The following PTPRN2 variants were observed in gnomAD, a reference collection of about 807,000 sequenced individuals.
PTPRN2 encodes protein tyrosine phosphatase receptor type N2.
Under a neutral mutation model 118.8 loss-of-function variants are expected in PTPRN2, and 74 were observed. The observed-to-expected ratio is 0.62, with a 90% CI of 0.52 to 0.76. PTPRN2 has a LOEUF of 0.76. Among genes scored for constraint, PTPRN2 ranks in the 30% least tolerant of loss-of-function variants. PTPRN2 has a pLI of 0.00. For synonymous variants in PTPRN2, 641 were observed against 608.0 expected, an observed-to-expected ratio of 1.05 and a Z score of -0.80; for missense variants, 1,481 against 1,394.4, an observed-to-expected ratio of 1.06 and a Z score of -0.99.
chr7:157,815,869 C>T (rs981042126), intron 12 of PTPRN2, among the ~76,000 whole-genome samples: 1 of 152,226 alleles, frequency 6.6e-6, no homozygotes, highest in Non-Finnish European at 1.5e-5. Flanking sequence ...GGCGGTGACA[C>T]GTTGCAGACA....
At chr7:157,839,422 A>G (rs538259503) in intron 12 of PTPRN2, among the ~76,000 whole-genome samples, 1 of 147,764 alleles carries the variant, frequency 6.8e-6, no homozygotes, top group East Asian at 2.0e-4. Flanking sequence ...TGTTTGTGAG[A>G]GAGACTGTGT....
At position 158,400,542 on chromosome 7, in the gene PTPRN2, C is replaced by A. The variant is rs912893974; in HGVS notation, c.164-83610G>T. Among the ~76,000 whole-genome samples the A allele has an allele frequency of 7.2e-5, 11 of 152,190 alleles. No homozygotes were observed. The East Asian group carries it at 2.1e-3, about 29-fold the overall frequency. The stretch of plus-strand genomic sequence containing the variant: ...AAGCCATCCTGACATCATTATGCTG[C>A]ATCATTATGAAGCCAACACACATCT... On this transcript the variant is annotated intron_variant, in intron 2 of 22. Transcript: ENST00000389418.
At chr7:158,146,739 AG>A (rs1401831458) in intron 6 of PTPRN2, among the ~76,000 whole-genome samples, 4 of 151,590 alleles carry the variant, frequency 2.6e-5, no homozygotes, top group Non-Finnish European at 5.9e-5. Context: ...AAAAAAAGAA[AG>A]AAAAAAGAAA....
chr7:157,658,305 A>G (rs1305635351), intron 13 of PTPRN2, among the ~76,000 whole-genome samples: 1 of 152,236 alleles, frequency 6.6e-6, no homozygotes, highest in African/African-American at 2.4e-5. Context: ...AGCAATGTCC[A>G]AGAGCCCATG....
At chr7:158,296,599 G>A (rs891382263) in intron 3 of PTPRN2, among the ~76,000 whole-genome samples, 36 of 152,312 alleles carry the variant, frequency 2.4e-4, no homozygotes, top group African/African-American at 7.9e-4. Context: ...GCCCACTGGG[G>A]CTTTAGGAGC....
Position 158,574,807 on chromosome 7 carries a change from G to A in PTPRN2, c.112+12751C>T, listed in dbSNP as rs2129451715. On this transcript the variant is annotated intron_variant, in intron 1 of 22. Transcript: ENST00000389418. The surrounding 1 kb of genome is among the most constrained non-coding windows in gnomAD (Gnocchi z 4.6). The stretch of plus-strand genomic sequence containing the variant: ...TCAGGCTGCTGGACAGGCCTTGCTG[G>A]CACACTGGGTGGGTGGCTCCGTGGA... Among the ~76,000 whole-genome samples the A allele has an allele frequency of 6.6e-6, 1 of 152,316 alleles. No homozygotes were observed. The highest frequency in any genetic ancestry group is 2.1e-4 in the South Asian group (1 of 4,826).
At chr7:157,988,110 G>C (rs78489480) in intron 11 of PTPRN2, among the ~76,000 whole-genome samples, 1 of 152,162 alleles carries the variant, frequency 6.6e-6, no homozygotes, top group Non-Finnish European at 1.5e-5. Flanking sequence ...GAGAAGCTGC[G>C]TTCCCTGCCT....
chr7:157,772,352 C>G (rs974009253), intron 12 of PTPRN2, among the ~76,000 whole-genome samples: 1 of 151,448 alleles, frequency 6.6e-6, no homozygotes, highest in South Asian at 2.1e-4. Flanking sequence ...CATACACACA[C>G]ACACATACAC....
intron 2 of PTPRN2, among the ~76,000 whole-genome samples, chr7:158,346,855 C>G (rs777400681): frequency 1.3e-5 from 2 of 152,194 alleles, no homozygotes; most frequent in Non-Finnish European, 2.9e-5. Flanking sequence ...ATGATTAGCA[C>G]AGTTGAGCAT....
intron 13 of PTPRN2, among the ~76,000 whole-genome samples, chr7:157,661,602 G>A (rs555214214): frequency 6.6e-6 from 1 of 151,910 alleles, no homozygotes; most frequent in African/African-American, 2.4e-5. Flanking sequence ...GGAATGGGAT[G>A]ATGGGGAAGC....
chr7:157,940,267 C>A (rs1799966095), intron 11 of PTPRN2, among the ~76,000 whole-genome samples: 1 of 152,126 alleles, frequency 6.6e-6, no homozygotes, highest in Non-Finnish European at 1.5e-5. Flanking sequence ...TTTTCTCTCC[C>A]CTTCCTAGTG....
rs1201884371 is a variant in PTPRN2, at chr7:157,666,514, A to C, written c.2002-9963T>G. The stretch of plus-strand genomic sequence containing the variant: ...CCATTAGTGTGTTAGAAAAAAAAAA[A>C]ACCCCACAGTAGAAAATGAAATCCA... On this transcript the variant is annotated intron_variant, in intron 13 of 22. Transcript: ENST00000389418. Among the ~76,000 whole-genome samples the C allele has an allele frequency of 3.1e-5, 4 of 129,570 alleles. No individual in the cohort carries two copies. The Admixed American group carries it at 3.1e-4, about 10-fold the overall frequency. The allele number at this position is 129,570 out of a possible 152,430, so 85.0% of individuals were successfully genotyped here. A position where few individuals can be genotyped will look rare whatever the true frequency, so the allele number is the denominator to read the frequency against.
At chr7:158,364,903 A>G (rs1288312268) in intron 2 of PTPRN2, among the ~76,000 whole-genome samples, 1 of 152,192 alleles carries the variant, frequency 6.6e-6, no homozygotes, top group Non-Finnish European at 1.5e-5. Flanking sequence ...GTCACACCTG[A>G]GCAGGCAGCT....
chr7:158,071,376 G>T (rs1296787850), intron 11 of PTPRN2, among the ~76,000 whole-genome samples: 1 of 110,120 alleles, frequency 9.1e-6, no homozygotes, highest in Non-Finnish European at 1.9e-5. Context: ...CATGGTGGTG[G>T]AGGTGCTCGT....
At chr7:157,841,009 C>T (rs945114400) in intron 12 of PTPRN2, among the ~76,000 whole-genome samples, 11 of 152,258 alleles carry the variant, frequency 7.2e-5, no homozygotes, top group East Asian at 3.8e-4. Context: ...CAATTCACAA[C>T]GGCCGCTGCC....
chr7:157,587,670 A>G lies in PTPRN2; in HGVS notation c.2496+7568T>C, dbSNP rs1297419180. ...AACACACATCCGATGCCAGTGGGAC[A>G]CCTGCTGACTTCAGCGAGCGCTTTG... On this transcript the variant is annotated intron_variant, in intron 17 of 22. Coordinates refer to ENST00000389418, the MANE Select transcript of PTPRN2 (RefSeq NM_002847.5). The surrounding 1 kb of genome is among the most constrained non-coding windows in gnomAD (Gnocchi z 5.3). Among the ~76,000 whole-genome samples, 2 of 152,248 alleles carry G rather than the reference A, an allele frequency of 1.3e-5. No homozygotes were observed. Among genetic ancestry groups the G allele is most frequent in the Non-Finnish European group, 2.9e-5 (2 of 68,040 alleles).
intron 11 of PTPRN2, among the ~76,000 whole-genome samples, chr7:158,067,817 C>T (rs960396244): frequency 4.0e-5 from 6 of 150,992 alleles, no homozygotes; most frequent in East Asian, 1.9e-4. Context: ...CAGGCTGGGC[C>T]GTGGGCAGCA....
At position 157,550,966 on chromosome 7, in the gene PTPRN2, G is replaced by A. The variant is rs1798569545; in HGVS notation, c.2903-1947C>T. Among the ~76,000 whole-genome samples, 4 of 152,168 alleles carry A rather than the reference G, an allele frequency of 2.6e-5. No individual in the cohort carries two copies. Among genetic ancestry groups the A allele is most frequent in the Non-Finnish European group, 5.9e-5 (4 of 68,020 alleles). Reference sequence around the variant, plus strand: ...AAACGGGTGAGTTTGTGAAATGGTAGAGAGGAAGGGAGGAAGCCAAAGGAC... The same window carrying A: ...AAACGGGTGAGTTTGTGAAATGGTAAAGAGGAAGGGAGGAAGCCAAAGGAC... On this transcript the variant is annotated intron_variant, in intron 21 of 22. Coordinates refer to ENST00000389418, the MANE Select transcript of PTPRN2 (RefSeq NM_002847.5). The surrounding 1 kb of genome is among the most constrained non-coding windows in gnomAD (Gnocchi z 5.2).
At chr7:158,332,322 A>G (rs1240340639) in intron 2 of PTPRN2, among the ~76,000 whole-genome samples, 2 of 47,920 alleles carry the variant, frequency 4.2e-5, no homozygotes, top group Non-Finnish European at 5.6e-5. Flanking sequence ...CACTCTCACC[A>G]TAAGAGCTGA....
Sources: gnomAD v4.1 joint callset for allele counts (sites outside exome capture counted in the v4.1 genomes callset) on GRCh38, gnomAD v4.1.1 for gene constraint, Gnocchi (gnomAD v3.1) non-coding constraint, MANE v1.5 for transcripts, NCBI Gene and HGNC (gene_info 2026-07-23, HGNC 2026-07-21) for gene names.